EPHA3: variants seen among roughly 807,000 people sequenced by gnomAD.
EPHA3 encodes the protein ephrin type-A receptor 3.
In EPHA3, 42 loss-of-function variants were observed where a neutral mutation model predicts 107.1. The ratio of observed to expected loss-of-function variants is 0.39; its 90% CI spans 0.31 to 0.51. The LOEUF (loss-of-function observed/expected upper bound fraction) is 0.51, where lower values mean the gene tolerates loss of function less well. EPHA3 is among the 20% of genes least tolerant of loss of function. EPHA3 has a pLI of 0.78. For synonymous variants in EPHA3, 461 were observed against 424.8 expected, an observed-to-expected ratio of 1.09 and a Z score of -1.05; for missense variants, 1,183 against 1,211.2, an observed-to-expected ratio of 0.98 and a Z score of 0.35.
chr3:89,315,142 CATT>C (rs1246979244), intron 3 of EPHA3, among the ~76,000 whole-genome samples: 2 of 151,688 alleles, frequency 1.3e-5, no homozygotes, highest in Non-Finnish European at 2.9e-5. Flanking sequence ...TTGACTGAAA[CATT>C]GTTATGTGGT....
At chr3:89,233,691 C>T (rs1704689111) in intron 3 of EPHA3, among the ~76,000 whole-genome samples, 1 of 152,140 alleles carries the variant, frequency 6.6e-6, no homozygotes, top group African/African-American at 2.4e-5. Context: ...GAGTATAGTA[C>T]TAGCCCTCTT....
intron 3 of EPHA3, among the ~76,000 whole-genome samples, chr3:89,303,221 T>G (rs1706532655): frequency 6.6e-6 from 1 of 152,110 alleles, no homozygotes. Context: ...AAACTGTATT[T>G]CTTGCGTTTT....
chr3:89,271,768 T>C (rs1705674273), intron 3 of EPHA3, among the ~76,000 whole-genome samples: 1 of 151,836 alleles, frequency 6.6e-6, no homozygotes, highest in Non-Finnish European at 1.5e-5. Flanking sequence ...AAGAAATTAC[T>C]AGAAATTAAA....
chr3:89,191,939 G>A (rs1220223377), intron 2 of EPHA3, among the ~76,000 whole-genome samples: 30 of 152,170 alleles, frequency 2.0e-4, no homozygotes. Flanking sequence ...AGCAGGTGCA[G>A]CTTTTAGGTA....
chr3:89,172,630 T>G (rs1275932185), intron 2 of EPHA3, among the ~76,000 whole-genome samples: 1 of 152,136 alleles, frequency 6.6e-6, no homozygotes, highest in Admixed American at 6.5e-5. Context: ...ATATGCAAAA[T>G]AACTGGAAAA....
chr3:89,113,040 T>C (rs1707150768), intron 1 of EPHA3, among the ~76,000 whole-genome samples: 1 of 152,144 alleles, frequency 6.6e-6, no homozygotes, highest in Admixed American at 6.5e-5. Context: ...GATCTGGATT[T>C]TATCATCACG....
chr3:89,398,776 G>A (rs1199504345), intron 6 of EPHA3, among the ~76,000 whole-genome samples: 1 of 152,094 alleles, frequency 6.6e-6, no homozygotes, highest in African/African-American at 2.4e-5. Flanking sequence ...TGCTTTACAT[G>A]CAGGACAGAA....
intron 3 of EPHA3, among the ~76,000 whole-genome samples, chr3:89,280,762 T>C (rs1705924739): frequency 6.6e-6 from 1 of 152,126 alleles, no homozygotes; most frequent in Admixed American, 6.5e-5. Flanking sequence ...ACATTAACAA[T>C]ACTGACTATA....
intron 5 of EPHA3, among the ~76,000 whole-genome samples, chr3:89,358,091 A>C (rs1455763825): frequency 2.0e-5 from 3 of 151,248 alleles, no homozygotes; most frequent in African/African-American, 7.3e-5. Context: ...ATCTAGAAAT[A>C]ATAAAGTTAT....
At chr3:89,460,817 G>GTC (rs1012668136) in intron 15 of EPHA3, among the ~76,000 whole-genome samples, 1 of 122,600 alleles carries the variant, frequency 8.2e-6, no homozygotes, top group East Asian at 2.1e-4. Context: ...TGATCTCTCT[G>GTC]TCTCTCTTTT....
At chr3:89,208,476 A>ATG (rs1559600934) in intron 2 of EPHA3, among the ~76,000 whole-genome samples, 1 of 146,056 alleles carries the variant, frequency 6.8e-6, no homozygotes, top group African/African-American at 2.5e-5. Flanking sequence ...GAAAGAAAGA[A>ATG]AGAAAGAGAA....
intron 3 of EPHA3, among the ~76,000 whole-genome samples, chr3:89,300,966 C>A (rs1342873943): frequency 1.3e-5 from 2 of 152,068 alleles, no homozygotes; most frequent in African/African-American, 4.8e-5. Flanking sequence ...CATGAAAGTA[C>A]CACAGATGTC....
chr3:89,269,684 A>G (rs1005819821), intron 3 of EPHA3, among the ~76,000 whole-genome samples: 1 of 150,370 alleles, frequency 6.7e-6, no homozygotes, highest in Non-Finnish European at 1.5e-5. Context: ...TACATGTGCC[A>G]TGCTGGTGCG....
At chr3:89,298,324 T>A (rs1194067068) in intron 3 of EPHA3, among the ~76,000 whole-genome samples, 1 of 152,184 alleles carries the variant, frequency 6.6e-6, no homozygotes, top group Non-Finnish European at 1.5e-5. Flanking sequence ...ACTCTAGTCA[T>A]CTTGGTCTCC....
intron 2 of EPHA3, among the ~76,000 whole-genome samples, chr3:89,155,306 A>C (rs545063106): frequency 6.6e-6 from 1 of 152,144 alleles, no homozygotes; most frequent in Admixed American, 6.6e-5. Context: ...CAAACTTCTC[A>C]AACTTCAAGA....
At chr3:89,453,400 T>C (rs1387663046) in intron 15 of EPHA3, among the ~76,000 whole-genome samples, 2 of 152,118 alleles carry the variant, frequency 1.3e-5, no homozygotes, top group Non-Finnish European at 2.9e-5. Flanking sequence ...AATTCACTTT[T>C]CCACTCTTAT....
intron 5 of EPHA3, among the ~76,000 whole-genome samples, chr3:89,365,135 CT>C (rs1463693842): frequency 6.6e-6 from 1 of 150,780 alleles, no homozygotes; most frequent in African/African-American, 2.4e-5. Flanking sequence ...TGATTATTCT[CT>C]GTCTGAGAAT....
intron 5 of EPHA3, among the ~76,000 whole-genome samples, chr3:89,365,779 G>A (rs960700647): frequency 1.3e-5 from 2 of 150,466 alleles, no homozygotes; most frequent in Non-Finnish European, 1.5e-5. Flanking sequence ...CCTTGAATAG[G>A]GTCTCTGCCT....
At chr3:89,227,778 T>C (rs931099953) in intron 3 of EPHA3, among the ~76,000 whole-genome samples, 1 of 151,972 alleles carries the variant, frequency 6.6e-6, no homozygotes, top group Non-Finnish European at 1.5e-5. Flanking sequence ...TCCTAGAACA[T>C]GATGGCTGTT....
Sources: gnomAD v4.1 joint callset for allele counts (sites outside exome capture counted in the v4.1 genomes callset) on GRCh38, gnomAD v4.1.1 for gene constraint, MANE v1.5 for transcripts, NCBI Gene and HGNC (gene_info 2026-07-23, HGNC 2026-07-21) for gene names.